ERC1: variants seen among roughly 807,000 people sequenced by gnomAD.
ERC1 encodes the protein ELKS/RAB6-interacting/CAST family member 1.
ERC1 carries 56 observed loss-of-function variants against 132.0 expected under a neutral mutation model. The observed-to-expected ratio is 0.42, with a 90% CI of 0.34 to 0.53. The LOEUF is 0.53. Among genes scored for constraint, ERC1 ranks in the 20% least tolerant of loss-of-function variants. The pLI, the probability that ERC1 is intolerant of heterozygous loss-of-function variation, is 0.03. For synonymous variants in ERC1, 478 were observed against 476.1 expected (o/e 1.00, Z -0.05); for missense variants, 1,202 against 1,349.9 (o/e 0.89, Z 1.72).
At chr12:1,236,127 C>CATAT (rs145732175) in intron 12 of ERC1, among the ~76,000 whole-genome samples, 63 of 151,562 alleles carry the variant, frequency 4.2e-4, no homozygotes, top group African/African-American at 1.5e-3. Context: ...ATGAACAGTT[C>CATAT]ATATATATAT....
chr12:1,321,736 C>T (rs555093651), intron 15 of ERC1, among the ~76,000 whole-genome samples: 23 of 152,246 alleles, frequency 1.5e-4, no homozygotes, highest in African/African-American at 4.8e-4. Context: ...CTTTCGTAAC[C>T]ATTTCCTACA....
chr12:1,039,023 G>A (rs1969652155), intron 2 of ERC1, among the ~76,000 whole-genome samples: 1 of 151,858 alleles, frequency 6.6e-6, no homozygotes, highest in Non-Finnish European at 1.5e-5. Context: ...CGGCAAAATA[G>A]TGAGACCCCA....
rs543266833 is a variant in ERC1 at position 1,013,968 on chromosome 12, C to T, written c.-156-13780C>T. On this transcript the variant is annotated intron_variant, in intron 1 of 18. Coordinates refer to ENST00000360905, the MANE Select transcript of ERC1 (RefSeq NM_178040.4). ...CCAGGCTGATCTGAAGTGATCCTTTCGCCTTGGCTTCCCGAAGTGTTGGGA... is the reference window on the plus strand; with the variant it reads ...CCAGGCTGATCTGAAGTGATCCTTTTGCCTTGGCTTCCCGAAGTGTTGGGA... 1.6e-4 allele frequency among the ~76,000 whole-genome samples: 24 copies of T among 151,504 alleles called. No homozygotes were observed. The Middle Eastern group carries it at 0.021, about 130-fold the overall frequency.
Position 1,110,212 on chromosome 12 carries a change from G to A in ERC1, c.1182G>A (p.Met394Ile), listed in dbSNP as rs747421629. The change falls in exon 5 of 19, where the codon ATG becomes ATA. Residue 394 changes from methionine (M) to isoleucine (I), a missense_variant. Physicochemically the swap from Met to Ile is conservative, Grantham distance 10. Coordinates refer to ENST00000360905, the MANE Select transcript of ERC1 (RefSeq NM_178040.4). ...IEMKDSKISS[M>I]ERGLRDLEEE... ...TTCAGGATTCAAAAATTTCCTCTAT[G>A]GAGCGTGGGCTTCGAGACCTGGAAG... is the stretch of plus-strand genomic sequence containing the variant. 189 of 1,611,600 alleles carry A rather than the reference G, an allele frequency of 1.2e-4. No homozygotes were observed. The highest frequency in any genetic ancestry group is 1.5e-4 in the Non-Finnish European group (179 of 1,179,166).
chr12:1,066,477 T>C (rs1939212690), intron 2 of ERC1, among the ~76,000 whole-genome samples: 1 of 152,210 alleles, frequency 6.6e-6, no homozygotes, highest in East Asian at 1.9e-4. Context: ...TATGTTGCTC[T>C]GGCTATGTTG....
chr12:1,413,303 C>T (rs530619807), intron 17 of ERC1, among the ~76,000 whole-genome samples: 1 of 152,164 alleles, frequency 6.6e-6, no homozygotes, highest in East Asian at 1.9e-4. Flanking sequence ...TATAGAAAAT[C>T]CATGTGAGGG....
intron 11 of ERC1, among the ~76,000 whole-genome samples, chr12:1,189,522 TC>T (rs1393209849): frequency 2.6e-5 from 4 of 152,212 alleles, no homozygotes; most frequent in Non-Finnish European, 5.9e-5. Context: ...CTTTTGATAT[TC>T]TCTTGGAGAG....
intron 15 of ERC1, among the ~76,000 whole-genome samples, chr12:1,345,426 G>C (rs2084360144): frequency 6.6e-6 from 1 of 152,058 alleles, no homozygotes; most frequent in Admixed American, 6.6e-5. Context: ...CTCGTGATCT[G>C]CCCGCCTCGG....
intron 15 of ERC1, among the ~76,000 whole-genome samples, chr12:1,368,961 A>G (rs910988651): frequency 6.6e-6 from 1 of 152,190 alleles, no homozygotes; most frequent in African/African-American, 2.4e-5. Flanking sequence ...GCAGAAAGAC[A>G]TGATGATCTG....
chr12:1,110,192 G>A lies in ERC1; in HGVS notation c.1162G>A (p.Asp388Asn), dbSNP rs1202607167. Reference protein sequence around the residue: ...KALQTVIEMKDSKISSMERGL... With the variant: ...KALQTVIEMKNSKISSMERGL... Reference sequence around the variant, plus strand: ...TCACTAAATCTTCCATTGTCTTCAGGATTCAAAAATTTCCTCTATGGAGCG... The same window carrying A: ...TCACTAAATCTTCCATTGTCTTCAGAATTCAAAAATTTCCTCTATGGAGCG... The change falls in exon 5 of 19, where the codon GAT (aspartate) becomes AAT (asparagine). Residue 388 changes from aspartate (D) to asparagine (N), a missense_variant and splice_region_variant. Transcript: ENST00000360905. 6.2e-7 allele frequency: 1 copy of A among 1,601,964 alleles called. No homozygotes were observed. Among genetic ancestry groups the A allele is most frequent in the African/African-American group, 1.3e-5 (1 of 74,220 alleles).
chr12:1,083,124 G>A (rs762765671), intron 2 of ERC1, 40 bp from the exon 3 acceptor site: 73 of 1,551,242 alleles, frequency 4.7e-5, no homozygotes, highest in Non-Finnish European at 5.6e-5. Context: ...ACTTGAGGAG[G>A]AAAGCTGATT....
At chr12:1,424,901 GATA>G (rs2092585684) in intron 17 of ERC1, among the ~76,000 whole-genome samples, 1 of 150,188 alleles carries the variant, frequency 6.7e-6, no homozygotes, top group African/African-American at 2.5e-5. Context: ...TAGATAGATA[GATA>G]GATAGATAAT....
intron 15 of ERC1, among the ~76,000 whole-genome samples, chr12:1,323,239 G>A (rs1415250779): frequency 6.6e-6 from 1 of 151,544 alleles, no homozygotes; most frequent in African/African-American, 2.4e-5. Context: ...GTTGAAGTAT[G>A]GTGCTTGCTG....
intron 2 of ERC1, among the ~76,000 whole-genome samples, chr12:1,070,066 A>C (rs1303063568): frequency 6.6e-6 from 1 of 152,156 alleles, no homozygotes. Context: ...AGAGAGAGAG[A>C]GAGCTCTGAA....
Position 1,078,362 on chromosome 12 carries a change from A to G in ERC1, c.670-4802A>G, listed in dbSNP as rs1401495007. Among the ~76,000 whole-genome samples, 4 of 152,138 alleles carry G rather than the reference A, an allele frequency of 2.6e-5. No individual in the cohort carries two copies. The East Asian group carries it at 7.7e-4, about 29-fold the overall frequency. ...ATTGAAGGTCTTTTGAACTCCAGCA[A>G]CTGTTAATCTTTAAAAGATGATGCT... On this transcript the variant is annotated intron_variant, in intron 2 of 18. Coordinates refer to ENST00000360905, the MANE Select transcript of ERC1 (RefSeq NM_178040.4).
chr12:1,045,476 A>G (rs1970942949), intron 2 of ERC1, among the ~76,000 whole-genome samples: 2 of 152,146 alleles, frequency 1.3e-5, no homozygotes, highest in South Asian at 2.1e-4. Context: ...CTAGACTCTT[A>G]TAGATGCTAG....
intron 1 of ERC1, among the ~76,000 whole-genome samples, chr12:1,019,479 G>T (rs777093178): frequency 6.6e-6 from 1 of 152,144 alleles, no homozygotes; most frequent in Non-Finnish European, 1.5e-5. Flanking sequence ...AGCTGTCAGT[G>T]GGATATTATC....
In ERC1 at chr12:1,004,972, C is replaced by G. The variant is rs988159003; in HGVS notation, c.-157+13650C>G. 2.0e-5 allele frequency among the ~76,000 whole-genome samples: 3 copies of G among 151,604 alleles called. No individual in the cohort carries two copies. The East Asian group carries it at 5.8e-4, about 29-fold the overall frequency. ...CATCATTAAGAAGTTATTAATGGTC[C>G]CAGAGACTCATAGGGGTTTCTTCTG... On this transcript the variant is annotated intron_variant, in intron 1 of 18. Coordinates refer to ENST00000360905, the MANE Select transcript of ERC1 (RefSeq NM_178040.4).
intron 2 of ERC1, among the ~76,000 whole-genome samples, chr12:1,060,356 G>A (rs1301783055): frequency 1.3e-5 from 2 of 150,914 alleles, no homozygotes; most frequent in Non-Finnish European, 2.9e-5. Context: ...TCCCCAGAGT[G>A]TGATGTTCCC....
Sources: gnomAD v4.1 joint callset for allele counts (sites outside exome capture counted in the v4.1 genomes callset) on GRCh38, gnomAD v4.1.1 for gene constraint, MANE v1.5 for transcripts, NCBI Gene and HGNC (gene_info 2026-07-23, HGNC 2026-07-21) for gene names.